Variants in CHLSN observed in about 807,000 individuals in gnomAD.
CHLSN encodes cholesin, also known as protein cholesin.
the CHLSN span, among the ~76,000 whole-genome samples, chr7:1,015,680 G>A: frequency 6.6e-6 from 1 of 152,190 alleles, no homozygotes; most frequent in Admixed American, 6.5e-5. Context: ...TGGTGGGCGG[G>A]GCCAGGACTA....
the CHLSN span, among the ~76,000 whole-genome samples, chr7:1,041,853 TCCAGCTCCTGA>T: frequency 6.8e-6 from 1 of 147,674 alleles, no homozygotes; most frequent in Admixed American, 6.8e-5. Context: ...TGGGCCCCTC[TCCAGCTCCTGA>T]CCAGCAGCCC....
the CHLSN span, among the ~76,000 whole-genome samples, chr7:1,012,923 G>A: frequency 6.6e-6 from 1 of 152,258 alleles, no homozygotes; most frequent in African/African-American, 2.4e-5. Flanking sequence ...TGACCACGAC[G>A]TGAGCGACCT....
At chr7:1,057,966 G>A in the CHLSN span, 8 of 771,544 alleles carry the variant, frequency 1.0e-5, no homozygotes, top group African/African-American at 1.7e-5. Context: ...GTGCGGCTTC[G>A]TGTGGGGTGG....
the CHLSN span, among the ~76,000 whole-genome samples, chr7:1,018,188 A>G: frequency 6.6e-6 from 1 of 152,216 alleles, no homozygotes; most frequent in Non-Finnish European, 1.5e-5. Context: ...CAGGCCCAGG[A>G]CACGCACACT....
chr7:1,046,953 C>G, the CHLSN span, among the ~76,000 whole-genome samples: 2 of 152,238 alleles, frequency 1.3e-5, no homozygotes. Context: ...GCCTAGTAAA[C>G]CGGGGCTCGA....
At chr7:982,498 C>CGCCACCT in the CHLSN span, among the ~76,000 whole-genome samples, 1 of 152,248 alleles carries the variant, frequency 6.6e-6, no homozygotes, top group Non-Finnish European at 1.5e-5. Context: ...TCGTAAACCC[C>CGCCACCT]GCCACCTGCC....
At chr7:1,099,147 GA>G in the CHLSN span, among the ~76,000 whole-genome samples, 1 of 137,742 alleles carries the variant, frequency 7.3e-6, no homozygotes, top group African/African-American at 2.7e-5. Context: ...TCCCCTTCCG[GA>G]GCCTCGCTGT....
the CHLSN span, among the ~76,000 whole-genome samples, chr7:1,108,970 C>T: frequency 6.7e-6 from 1 of 150,188 alleles, no homozygotes; most frequent in Non-Finnish European, 1.5e-5. Context: ...AAACTCGGCT[C>T]ACTGCAACTC....
the CHLSN span, chr7:1,058,637 T>C: frequency 1.6e-6 from 1 of 614,522 alleles, no homozygotes; most frequent in East Asian, 2.7e-5. Context: ...AGGAGGGGTG[T>C]TTTTCTTGAA....
chr7:1,073,708 A>C, the CHLSN span, among the ~76,000 whole-genome samples: 68,267 of 98,844 alleles, frequency 0.69, 21,890 homozygotes, highest in African/African-American at 0.84. Context: ...ACCCTGCTGC[A>C]GTGACGCCCC....
chr7:997,897 G>T, the CHLSN span: 45 of 1,238,092 alleles, frequency 3.6e-5, no homozygotes, highest in South Asian at 5.9e-4. Flanking sequence ...GGACACCCGG[G>T]CCTCAGGCTT....
At chr7:984,596 C>CGGGGCCTACTGGGTGTGGG in the CHLSN span, 1 of 1,553,398 alleles carries the variant, frequency 6.4e-7, no homozygotes, top group Non-Finnish European at 8.7e-7. Context: ...GCCGGCGCTA[C>CGGGGCCTACTGGGTGTGGG]GGGGCCTACT....
the CHLSN span, among the ~76,000 whole-genome samples, chr7:1,032,389 G>A: frequency 2.0e-5 from 3 of 152,200 alleles, no homozygotes; most frequent in Non-Finnish European, 4.4e-5. Context: ...AATCCACTGT[G>A]GAGGTGTGAG....
At chr7:1,017,450 G>C in the CHLSN span, among the ~76,000 whole-genome samples, 1 of 152,196 alleles carries the variant, frequency 6.6e-6, no homozygotes, top group East Asian at 1.9e-4. Flanking sequence ...GTGTGCATGA[G>C]GCAGGCGCTG....
the CHLSN span, among the ~76,000 whole-genome samples, chr7:1,030,065 T>C: frequency 6.6e-6 from 1 of 152,202 alleles, no homozygotes; most frequent in African/African-American, 2.4e-5. Context: ...ACCGGTTTCA[T>C]GGGAGGGACT....
the CHLSN span, among the ~76,000 whole-genome samples, chr7:1,041,309 G>C: frequency 0.13 from 5,332 of 41,422 alleles, 437 homozygotes; most frequent in African/African-American, 0.31. Flanking sequence ...GGGACCTGGG[G>C]TCCGCGCTGC....
At chr7:1,023,649 AC>A in the CHLSN span, among the ~76,000 whole-genome samples, 1 of 148,496 alleles carries the variant, frequency 6.7e-6, no homozygotes, top group Non-Finnish European at 1.5e-5. The surrounding 1 kb of genome is among the most constrained non-coding windows in gnomAD (Gnocchi z 5.0). Flanking sequence ...ACACACACAC[AC>A]ACACACACAC....
the CHLSN span, among the ~76,000 whole-genome samples, chr7:1,073,431 G>A: frequency 6.6e-6 from 1 of 152,032 alleles, no homozygotes; most frequent in Non-Finnish European, 1.5e-5. Context: ...CTCAGGCTCT[G>A]CTTCCCACCC....
chr7:1,016,176 GCAGCA>G, the CHLSN span, among the ~76,000 whole-genome samples: 7 of 77,580 alleles, frequency 9.0e-5, 1 homozygote, highest in African/African-American at 3.5e-4. Context: ...GCAGCACACA[GCAGCA>G]CACGCCAGCA....
Sources: gnomAD v4.1 joint callset for allele counts (sites outside exome capture counted in the v4.1 genomes callset) on GRCh38, gnomAD v4.1.1 for gene constraint, Gnocchi (gnomAD v3.1) non-coding constraint, MANE v1.5 for transcripts, NCBI Gene and HGNC (gene_info 2026-07-23, HGNC 2026-07-21) for gene names.